LAMC3: variants seen among roughly 807,000 people sequenced by gnomAD.
LAMC3 encodes the protein laminin subunit gamma 3, also known as laminin subunit gamma-3.
LAMC3 carries 128 observed loss-of-function variants against 173.8 expected under a neutral mutation model. That is an observed-to-expected ratio of 0.74 (90% CI 0.64 to 0.85). The LOEUF (loss-of-function observed/expected upper bound fraction) is 0.85. LAMC3 is among the 40% of genes least tolerant of loss of function. LAMC3 has a pLI of 0.00. For missense variants in LAMC3, 2,022 were observed against 2,156.0 expected, an observed-to-expected ratio of 0.94 and a Z score of 1.23; for synonymous variants, 897 against 909.1, an observed-to-expected ratio of 0.99 and a Z score of 0.24.
chr9:131,085,804 G>A lies in LAMC3; in HGVS notation c.4230+81G>A, dbSNP rs1786567836. On this transcript the variant is annotated intron_variant, in intron 25 of 27. Coordinates refer to ENST00000361069, the MANE Select transcript of LAMC3 (RefSeq NM_006059.4). ...TTCCGCGGGCCCCTTCCCGACATCC[G>A]TGCTGACTACTCCGCACTCACTCAC... 20 of 1,330,966 alleles carry A rather than the reference G, an allele frequency of 1.5e-5. 1 individual carries two copies. Among genetic ancestry groups the A allele is most frequent in the East Asian group, 7.1e-5 (3 of 42,206 alleles). The allele number at this position is 1,330,966 out of a possible 1,614,324, so 82.4% of individuals were successfully genotyped here.
chr9:131,033,234 G>T (rs1274205707), intron 3 of LAMC3, among the ~76,000 whole-genome samples: 2 of 152,238 alleles, frequency 1.3e-5, no homozygotes, highest in South Asian at 2.1e-4. Flanking sequence ...GACGAGGGAG[G>T]CATGAACAGC....
chr9:131,037,026 C>T (rs1195687879), intron 4 of LAMC3, among the ~76,000 whole-genome samples: 1 of 152,230 alleles, frequency 6.6e-6, no homozygotes, highest in Non-Finnish European at 1.5e-5. Flanking sequence ...GGCCTCTGGA[C>T]CCCGCTGTCC....
Position 131,092,126 on chromosome 9 carries a change from AGCTTACG to A in LAMC3, c.*341_*347del, listed in dbSNP as rs1183999740. Reference sequence around the variant, plus strand: ...TTCAAGTCTAATCCATCCAGTCAGCAGCTTACGGTCCACACACATTACAGTCCACAGC... The same window carrying A: ...TTCAAGTCTAATCCATCCAGTCAGCAGTCCACACACATTACAGTCCACAGC... On this transcript the variant is annotated 3_prime_UTR_variant, in exon 28 of 28. Transcript: ENST00000361069. 1 of 374,732 alleles carries A rather than the reference AGCTTACG, an allele frequency of 2.7e-6. No individual in the cohort carries two copies. The highest frequency in any genetic ancestry group is 5.1e-6 in the Non-Finnish European group (1 of 197,140). The allele number at this position is 374,732 out of a possible 1,614,324, so 23.2% of individuals were successfully genotyped here. A position where few individuals can be genotyped will look rare whatever the true frequency, so the allele number is the denominator to read the frequency against.
At chr9:131,040,109 G>C (rs1447066555) in intron 6 of LAMC3, among the ~76,000 whole-genome samples, 1 of 143,256 alleles carries the variant, frequency 7.0e-6, no homozygotes, top group Non-Finnish European at 1.5e-5. Context: ...CCACCTCCCC[G>C]GTTCCAGCAA....
chr9:131,045,618 G>GC lies in LAMC3; in HGVS notation c.1480dup (p.Gln494ProfsTer27). On this transcript the variant is annotated frameshift_variant, in exon 8 of 28. Coordinates refer to ENST00000361069, the MANE Select transcript of LAMC3 (RefSeq NM_006059.4). LOFTEE classifies it high-confidence loss of function. ...CCACTCCAAGGTGTGCGCGTCCACT[G>GC]CCCAGTTCCAGGTGCATCACATCCT... is the stretch of plus-strand genomic sequence containing the variant. 6.2e-7 allele frequency: 1 copy of GC among 1,614,174 alleles called. No homozygotes were observed. The highest frequency in any genetic ancestry group is 8.5e-7 in the Non-Finnish European group (1 of 1,180,046).
chr9:131,014,917 A>C (rs1469096261), intron 1 of LAMC3, among the ~76,000 whole-genome samples: 2 of 152,182 alleles, frequency 1.3e-5, no homozygotes, highest in African/African-American at 4.8e-5. Flanking sequence ...TGGGAGTTCG[A>C]GGCTGTAGTG....
chr9:131,037,380 G>A (rs976900768), intron 4 of LAMC3, among the ~76,000 whole-genome samples: 19 of 152,118 alleles, frequency 1.2e-4, no homozygotes, highest in South Asian at 6.2e-4. Flanking sequence ...CATCCACATC[G>A]CTCCAGTCTG....
At chr9:131,084,995 A>G (rs1431143999) in intron 24 of LAMC3, among the ~76,000 whole-genome samples, 2 of 151,806 alleles carry the variant, frequency 1.3e-5, no homozygotes, top group Admixed American at 1.3e-4. Context: ...TGATTGCTTG[A>G]AAGCTCAGTG....
intron 8 of LAMC3, 23 bp downstream of exon 8, chr9:131,045,683 G>T: frequency 6.2e-7 from 1 of 1,613,352 alleles, no homozygotes; most frequent in Non-Finnish European, 8.5e-7. Flanking sequence ...CCCTGCAAAC[G>T]CCTCCCAAGG....
rs13283659 is a variant in LAMC3, at chr9:131,055,627, G to A, written c.1940-1302G>A. Among the ~76,000 whole-genome samples the A allele has an allele frequency of 9.4e-3, 1,419 of 150,656 alleles. 12 individuals are homozygous for A. The highest frequency in any genetic ancestry group is 0.013 in the Non-Finnish European group (902 of 67,654). ...TTTTTAGTAGAGACGGGGTTTCACC[G>A]TGTTAGCCAGGATGGTCTCGATTTC... On this transcript the variant is annotated intron_variant, in intron 11 of 27. Transcript: ENST00000361069.
chr9:131,012,064 C>T (rs62580140), intron 1 of LAMC3, among the ~76,000 whole-genome samples: 458 of 109,252 alleles, frequency 4.2e-3, no homozygotes, highest in African/African-American at 0.024. Context: ...CACACACATA[C>T]ACACACACAC....
chr9:131,016,546 T>C (rs1009214871), intron 1 of LAMC3, among the ~76,000 whole-genome samples: 23 of 152,208 alleles, frequency 1.5e-4, no homozygotes, highest in Admixed American at 1.5e-3. Context: ...AGGGTCCTAA[T>C]GCATGAAAAC....
In LAMC3 at chr9:131,041,703, C is replaced by CA; in HGVS notation, c.1353dup (p.Glu452ArgfsTer9). The CA allele has an allele frequency of 6.2e-7, 1 of 1,613,984 alleles. No homozygotes were observed. The highest frequency in any genetic ancestry group is 8.5e-7 in the Non-Finnish European group (1 of 1,180,018). On this transcript the variant is annotated frameshift_variant, in exon 7 of 28. Coordinates refer to ENST00000361069, the MANE Select transcript of LAMC3 (RefSeq NM_006059.4). LOFTEE classifies it high-confidence loss of function. ...ACCCCCGCAGTGGGCGCTGCCCCTGCAAAGAGAATGTGGAAGGCAACCTAT... is the reference window on the plus strand; with the variant it reads ...ACCCCCGCAGTGGGCGCTGCCCCTGCAAAAGAGAATGTGGAAGGCAACCTAT...
rs576989735 is a variant in LAMC3 at position 131,067,058 on chromosome 9, G to A, written c.2446G>A (p.Val816Met). Residue 816 changes from valine (V) to methionine (M), a missense_variant, in exon 14 of 28, where the codon GTG (valine) becomes ATG (methionine). Coordinates refer to ENST00000361069, the MANE Select transcript of LAMC3 (RefSeq NM_006059.4). ...CCACCAGTGCCAGTGTAGCGGGAACGTGGACCCCAATGCCGTGGGCAACTG... is the reference window on the plus strand; with the variant it reads ...CCACCAGTGCCAGTGTAGCGGGAACATGGACCCCAATGCCGTGGGCAACTG... ...PCHQCQCSGN[V>M]DPNAVGNCDP... 109 of 1,614,124 alleles carry A rather than the reference G, an allele frequency of 6.8e-5. 1 individual carries two copies. The highest frequency in any genetic ancestry group is 5.9e-4 in the South Asian group (54 of 91,086).
At chr9:131,030,714 G>A (rs1177940500) in intron 2 of LAMC3, among the ~76,000 whole-genome samples, 2 of 152,206 alleles carry the variant, frequency 1.3e-5, no homozygotes, top group African/African-American at 4.8e-5. Flanking sequence ...TATCCAGTTG[G>A]TTTGAGTTCT....
rs927587368 is a variant in LAMC3, at chr9:131,052,848, A to G, written c.1824-2A>G. On this transcript the variant is annotated splice_acceptor_variant, in intron 10 of 27. Coordinates refer to ENST00000361069, the MANE Select transcript of LAMC3 (RefSeq NM_006059.4). LOFTEE classifies it high-confidence loss of function. ...TCTCACTTTGACCGCTTCTCTCGCC[A>G]GCCTGCAGGAGACCTCCGAGGACGT... 2.7e-5 allele frequency: 41 copies of G among 1,514,364 alleles called. No individual in the cohort carries two copies. The highest frequency in any genetic ancestry group is 3.6e-5 in the Non-Finnish European group (40 of 1,124,986). 93.8% of individuals were successfully genotyped at this position (1,514,364 alleles called of 1,614,324 possible).
At chr9:131,071,402 G>T (rs564570049) in intron 17 of LAMC3, 82 bp from the exon 18 acceptor site, 9 of 1,519,726 alleles carry the variant, frequency 5.9e-6, no homozygotes, top group Middle Eastern at 1.8e-4. Context: ...AGGGAGAGTG[G>T]CAGGGTAGAA....
rs1564390806 is a variant in LAMC3 at position 131,082,065 on chromosome 9, C to T, written c.3934C>T (p.Gln1312Ter). 6.2e-7 allele frequency: 1 copy of T among 1,613,324 alleles called. No individual in the cohort carries two copies. The highest frequency in any genetic ancestry group is 8.5e-7 in the Non-Finnish European group (1 of 1,179,628). Residue 1312 changes from glutamine to a stop codon, truncating the protein, a stop_gained, in exon 24 of 28, where the codon CAG becomes TAG. Transcript: ENST00000361069. LOFTEE classifies it high-confidence loss of function. ...RQTEPLTKLHQEARAALTQAS... is the reference protein window; with the variant it reads ...RQTEPLTKLH Reference sequence around the variant, plus strand: ...TCTCCTCATCTCTCTCCAGCTGCACCAGGAGGCCAGAGCCGCCCTGACCCA... The same window carrying T: ...TCTCCTCATCTCTCTCCAGCTGCACTAGGAGGCCAGAGCCGCCCTGACCCA...
chr9:131,032,535 T>TCTCTCTTGCTCTCTCTCG (rs1554784088), intron 3 of LAMC3, among the ~76,000 whole-genome samples: 4 of 128,182 alleles, frequency 3.1e-5, no homozygotes, highest in Non-Finnish European at 6.4e-5. Context: ...TCTCTCGCTG[T>TCTCTCTTGCTCTCTCTCG]CTCTCTCTCT....
Sources: allele counts gnomAD v4.1 joint callset (sites outside exome capture counted in the v4.1 genomes callset), GRCh38; gene constraint gnomAD v4.1.1; transcripts MANE v1.5; gene names NCBI Gene and HGNC (gene_info 2026-07-23, HGNC 2026-07-21).